ITPK1: variants seen among roughly 807,000 people sequenced by gnomAD.
The protein encoded by ITPK1 is inositol 1,3,4-trisphosphate 5/6-kinase.
In ITPK1, 21 loss-of-function variants were observed where a neutral mutation model predicts 45.3. The ratio of observed to expected loss-of-function variants is 0.46; its 90% CI spans 0.33 to 0.67. The LOEUF (loss-of-function observed/expected upper bound fraction) is 0.67, where lower values mean the gene tolerates loss of function less well. Ranked by LOEUF, ITPK1 falls within the 30% of genes least tolerant of loss-of-function variation. ITPK1 has a pLI of 0.02. For synonymous variants in ITPK1, 258 were observed against 253.6 expected, an observed-to-expected ratio of 1.02 and a Z score of -0.16; for missense variants, 474 against 573.5, an observed-to-expected ratio of 0.83 and a Z score of 1.77.
chr14:93,021,496 G>C (rs1174084945), intron 3 of ITPK1, among the ~76,000 whole-genome samples: 1 of 152,072 alleles, frequency 6.6e-6, no homozygotes, highest in Non-Finnish European at 1.5e-5. Context: ...GGGAGGCTGA[G>C]GTGGGAGAAT....
rs1046290092 is a variant in ITPK1, at chr14:93,032,725, T to C, written c.121-15924A>G. On this transcript the variant is annotated intron_variant, in intron 3 of 10. Transcript: ENST00000267615. This position sits in a 1 kb window ranked among gnomAD's most constrained non-coding sequence, Gnocchi z 4.0. ...CTTGAATATCTTCCGATTAGCCTCA[T>C]CTAGAAGGCACATGTCCACCCAGCT... 6.6e-6 allele frequency among the ~76,000 whole-genome samples: 1 copy of C among 152,104 alleles called. No individual in the cohort carries two copies. The highest frequency in any genetic ancestry group is 2.1e-4 in the South Asian group (1 of 4,816).
rs145126528 is a variant in ITPK1 at position 93,041,340 on chromosome 14, C to T, written c.121-24539G>A. Among the ~76,000 whole-genome samples, 1,519 of 152,336 alleles carry T rather than the reference C, an allele frequency of 1.0e-2. 36 individuals are homozygous for T. Among genetic ancestry groups the T allele is most frequent in the African/African-American group, 0.033 (1,381 of 41,562 alleles). On this transcript the variant is annotated intron_variant, in intron 3 of 10. Coordinates refer to ENST00000267615, the MANE Select transcript of ITPK1 (RefSeq NM_014216.6). ...TCCTCCCTGCGGCCAGAAGTGGCAA[C>T]CCTGTCTCTGCACAGTATTGCCTGG...
At chr14:93,104,869 A>C (rs965672647) in intron 2 of ITPK1, among the ~76,000 whole-genome samples, 3 of 147,080 alleles carry the variant, frequency 2.0e-5, no homozygotes, top group African/African-American at 7.3e-5. Flanking sequence ...AAGAGCGCCC[A>C]GAGTGACCCC....
intron 10 of ITPK1, among the ~76,000 whole-genome samples, chr14:92,945,720 C>A (rs1014479956): frequency 4.6e-5 from 7 of 152,186 alleles, no homozygotes; most frequent in African/African-American, 1.7e-4. Flanking sequence ...TCTGCTCCTG[C>A]GGTCCCCATA....
chr14:92,952,653 C>A (rs1267433330), intron 8 of ITPK1, among the ~76,000 whole-genome samples: 2 of 152,212 alleles, frequency 1.3e-5, no homozygotes, highest in South Asian at 2.1e-4. Flanking sequence ...AATACCCTCA[C>A]CCCACACGTC....
intron 3 of ITPK1, among the ~76,000 whole-genome samples, chr14:93,062,868 A>C (rs1740691): frequency 0.34 from 51,438 of 151,998 alleles, 9,357 homozygotes; most frequent in East Asian, 0.54. Context: ...CTTGTCCCTG[A>C]TGGACAAAGG....
At position 93,036,585 on chromosome 14, in the gene ITPK1, C is replaced by T. The variant is rs1014709594; in HGVS notation, c.121-19784G>A. Among the ~76,000 whole-genome samples the T allele has an allele frequency of 4.6e-5, 7 of 151,884 alleles. No homozygotes were observed. The highest frequency in any genetic ancestry group is 1.4e-4 in the African/African-American group (6 of 41,394). On this transcript the variant is annotated intron_variant, in intron 3 of 10. Transcript: ENST00000267615. The surrounding 1 kb of genome is among the most constrained non-coding windows in gnomAD (Gnocchi z 4.1). ...CCCCCTAACCCCCAGCCACTCTCCC[C>T]GGCGTTCTGTGGCCCACACCCCTCA...
chr14:93,093,421 G>C (rs1473236089), intron 2 of ITPK1, among the ~76,000 whole-genome samples: 1 of 152,176 alleles, frequency 6.6e-6, no homozygotes, highest in Non-Finnish European at 1.5e-5. Flanking sequence ...AGAAGTCTGA[G>C]TGCTCCGACA....
In ITPK1 at chr14:93,098,679, A is replaced by G. The variant is rs553572884; in HGVS notation, c.95+16390T>C. On this transcript the variant is annotated intron_variant, in intron 2 of 10. Transcript: ENST00000267615. ...TGCAGGGCCGCACAGCTCAGCGGCAAAGCAGGGGTCTGAGCGCTGGTCCCA... is the reference window on the plus strand; with the variant it reads ...TGCAGGGCCGCACAGCTCAGCGGCAGAGCAGGGGTCTGAGCGCTGGTCCCA... Among the ~76,000 whole-genome samples the G allele has an allele frequency of 6.6e-5, 10 of 152,180 alleles. No homozygotes were observed. In the East Asian group the frequency reaches 7.7e-4, roughly 12 times the overall value.
At chr14:93,030,303 G>C (rs1197188989) in intron 3 of ITPK1, among the ~76,000 whole-genome samples, 2 of 152,224 alleles carry the variant, frequency 1.3e-5, no homozygotes, top group Admixed American at 6.5e-5. Context: ...GTAAATAAAA[G>C]AGAAACCGTT....
chr14:93,048,966 T>C (rs1353899967), intron 3 of ITPK1, among the ~76,000 whole-genome samples: 1 of 151,802 alleles, frequency 6.6e-6, no homozygotes, highest in Non-Finnish European at 1.5e-5. Context: ...AGAAACACTC[T>C]CTCCAGTCAT....
At chr14:93,080,978 T>G (rs1490794266) in intron 2 of ITPK1, among the ~76,000 whole-genome samples, 1 of 150,930 alleles carries the variant, frequency 6.6e-6, no homozygotes, top group Non-Finnish European at 1.5e-5. Context: ...TCAAAAGTGC[T>G]GGGATTACAG....
chr14:93,104,536 A>T (rs1395878831), intron 2 of ITPK1, among the ~76,000 whole-genome samples: 4 of 152,088 alleles, frequency 2.6e-5, no homozygotes, highest in Non-Finnish European at 5.9e-5. Context: ...GTTGAAGACA[A>T]AGGCAACCTG....
rs1295013413 is a variant in ITPK1, at chr14:92,962,936, G to T, written c.365-87C>A. The stretch of plus-strand genomic sequence containing the variant: ...TGTGACAGCCCGCCCCACCCCAGGG[G>T]CCTTCAGTGCCCCCACGCTCCTGGA... On this transcript the variant is annotated intron_variant, in intron 5 of 10. Coordinates refer to ENST00000267615, the MANE Select transcript of ITPK1 (RefSeq NM_014216.6). 10 of 801,426 alleles carry T rather than the reference G, an allele frequency of 1.2e-5. No individual in the cohort carries two copies. The African/African-American group carries it at 1.7e-4, about 14-fold the overall frequency. The allele number at this position is 801,426 out of a possible 1,614,324, so 49.6% of individuals were successfully genotyped here. A position where few individuals can be genotyped will look rare whatever the true frequency, so the allele number is the denominator to read the frequency against.
chr14:92,961,367 GACAGGACTC>G (rs1885062596), intron 7 of ITPK1, among the ~76,000 whole-genome samples: 2 of 152,332 alleles, frequency 1.3e-5, no homozygotes, highest in South Asian at 4.1e-4. Flanking sequence ...TCTCTCTAGG[GACAGGACTC>G]ACATCCTATG....
intron 5 of ITPK1, among the ~76,000 whole-genome samples, chr14:92,971,849 G>A (rs558193623): frequency 2.2e-4 from 33 of 152,170 alleles, no homozygotes; most frequent in African/African-American, 7.0e-4. Flanking sequence ...ACTGAGAATC[G>A]TATTGTCCAG....
intron 5 of ITPK1, among the ~76,000 whole-genome samples, chr14:92,981,343 G>A (rs534600988): frequency 1.1e-4 from 17 of 152,252 alleles, no homozygotes; most frequent in Admixed American, 1.0e-3. Context: ...TCTGGGCCTC[G>A]GCATGGGGCT....
intron 2 of ITPK1, among the ~76,000 whole-genome samples, chr14:93,085,418 G>C (rs753235016): frequency 2.6e-5 from 4 of 152,174 alleles, no homozygotes; most frequent in Admixed American, 6.5e-5. Flanking sequence ...GCGCCCCTCA[G>C]TGCAGGCACA....
intron 3 of ITPK1, among the ~76,000 whole-genome samples, chr14:93,060,935 G>C (rs185080193): frequency 3.9e-5 from 6 of 152,160 alleles, no homozygotes; most frequent in Non-Finnish European, 8.8e-5. Flanking sequence ...AAGGCAGAGG[G>C]GGACACAGGC....
Sources: gnomAD v4.1 joint callset for allele counts (sites outside exome capture counted in the v4.1 genomes callset) on GRCh38, gnomAD v4.1.1 for gene constraint, Gnocchi (gnomAD v3.1) non-coding constraint, MANE v1.5 for transcripts, NCBI Gene and HGNC (gene_info 2026-07-23, HGNC 2026-07-21) for gene names.